The following AUTS2 variants were observed in gnomAD, a reference collection of about 807,000 sequenced individuals.
The protein encoded by AUTS2 is autism susceptibility gene 2 protein.
Under a neutral mutation model 112.4 loss-of-function variants are expected in AUTS2, and 17 were observed. That is an observed-to-expected ratio of 0.15 (90% CI 0.10 to 0.23). The LOEUF (loss-of-function observed/expected upper bound fraction) is 0.23. Ranked by LOEUF, AUTS2 falls within the 10% of genes least tolerant of loss-of-function variation. AUTS2 has a pLI of 1.00. For synonymous variants in AUTS2, 751 were observed against 702.7 expected, an observed-to-expected ratio of 1.07 and a Z score of -1.09; for missense variants, 1,510 against 1,701.6, an observed-to-expected ratio of 0.89 and a Z score of 1.98.
At chr7:70,543,418 A>G (rs1348972031) in intron 5 of AUTS2, among the ~76,000 whole-genome samples, 1 of 151,346 alleles carries the variant, frequency 6.6e-6, no homozygotes, top group African/African-American at 2.4e-5. Flanking sequence ...AATCCCAGCT[A>G]CTCGGGAGGC....
intron 5 of AUTS2, among the ~76,000 whole-genome samples, chr7:70,497,105 C>G (rs554857407): frequency 1.4e-5 from 2 of 147,930 alleles, no homozygotes; most frequent in Non-Finnish European, 1.5e-5. Context: ...CAGACACACA[C>G]ACACACCCCA....
chr7:70,754,834 GAGCT>G lies in AUTS2; in HGVS notation c.743-8033_743-8030del, dbSNP rs142662278. 2.4e-3 allele frequency among the ~76,000 whole-genome samples: 372 copies of G among 152,276 alleles called. 5 individuals carry two copies. The highest frequency in any genetic ancestry group is 7.4e-3 in the African/African-American group (306 of 41,554). Reference sequence around the variant, plus strand: ...ATGCATGGATGGATGGATGTTCTAGGAGCTAGTGCCCCCCACATAGTTTTCTTGA... The same window carrying G: ...ATGCATGGATGGATGGATGTTCTAGGAGTGCCCCCCACATAGTTTTCTTGA... On this transcript the variant is annotated intron_variant, in intron 6 of 18. Transcript: ENST00000342771.
intron 4 of AUTS2, among the ~76,000 whole-genome samples, chr7:70,221,302 T>G (rs1811472806): frequency 6.6e-6 from 1 of 152,246 alleles, no homozygotes; most frequent in African/African-American, 2.4e-5. Context: ...TACATTTTCA[T>G]AAATATTTAA....
At chr7:69,971,940 T>C (rs1797865809) in intron 2 of AUTS2, among the ~76,000 whole-genome samples, 1 of 152,212 alleles carries the variant, frequency 6.6e-6, no homozygotes, top group Non-Finnish European at 1.5e-5. Flanking sequence ...AGGATAATTG[T>C]CCAAGAGTGC....
At chr7:70,572,164 C>T (rs940681262) in intron 5 of AUTS2, among the ~76,000 whole-genome samples, 10 of 152,074 alleles carry the variant, frequency 6.6e-5, no homozygotes, top group Admixed American at 6.5e-5. Flanking sequence ...AGAACAGAGG[C>T]GGTGCTAGCA....
chr7:69,736,203 A>G (rs1277979773), intron 1 of AUTS2, among the ~76,000 whole-genome samples: 4 of 152,248 alleles, frequency 2.6e-5, no homozygotes, highest in East Asian at 1.9e-4. Context: ...CTCGTGATCC[A>G]TGCCCCATCC....
At chr7:70,521,122 A>G (rs1461071434) in intron 5 of AUTS2, among the ~76,000 whole-genome samples, 1 of 152,182 alleles carries the variant, frequency 6.6e-6, no homozygotes, top group Non-Finnish European at 1.5e-5. Context: ...AGATGAATGA[A>G]TGTACATCCC....
intron 1 of AUTS2, among the ~76,000 whole-genome samples, chr7:69,827,251 C>T (rs1357286813): frequency 2.0e-5 from 3 of 152,094 alleles, no homozygotes; most frequent in Non-Finnish European, 2.9e-5. Flanking sequence ...TGCTTCCTTG[C>T]CCCCAATCCC....
chr7:70,367,472 C>T (rs1219967790), intron 4 of AUTS2, among the ~76,000 whole-genome samples: 5 of 150,148 alleles, frequency 3.3e-5, no homozygotes, highest in African/African-American at 9.8e-5. Context: ...AGGAGAATGG[C>T]GTGAACCCAT....
At chr7:70,742,214 G>A (rs1253003080) in intron 6 of AUTS2, among the ~76,000 whole-genome samples, 4 of 152,046 alleles carry the variant, frequency 2.6e-5, no homozygotes, top group African/African-American at 9.7e-5. Flanking sequence ...TTAAAGATTG[G>A]CTTATTTTTG....
In AUTS2 at chr7:70,084,918, G is replaced by A. The variant is rs144770774; in HGVS notation, c.523-33214G>A. ...GATAGGATCTTGCTCTGTCACCCAG[G>A]CTGGAGTGCAGTGGCATGGTTATAG... On this transcript the variant is annotated intron_variant, in intron 2 of 18. Transcript: ENST00000342771. Among the ~76,000 whole-genome samples, 332 of 152,098 alleles carry A rather than the reference G, an allele frequency of 2.2e-3. 2 individuals carry two copies. Among genetic ancestry groups the A allele is most frequent in the Non-Finnish European group, 4.2e-3 (288 of 68,006 alleles).
At chr7:70,470,740 G>A (rs1187338748) in intron 5 of AUTS2, among the ~76,000 whole-genome samples, 1 of 152,160 alleles carries the variant, frequency 6.6e-6, no homozygotes, top group African/African-American at 2.4e-5. Flanking sequence ...GAAGCCTGTG[G>A]TTGTGGAGAT....
At chr7:69,789,940 C>T (rs1285574972) in intron 1 of AUTS2, among the ~76,000 whole-genome samples, 1 of 137,842 alleles carries the variant, frequency 7.3e-6, no homozygotes, top group African/African-American at 2.5e-5. Context: ...AAATAAATAT[C>T]TTTTTTTTCA....
rs1331645992 is a variant in AUTS2, at chr7:70,792,243, A to G, written c.*1247A>G. On this transcript the variant is annotated 3_prime_UTR_variant, in exon 19 of 19. Coordinates refer to ENST00000342771, the MANE Select transcript of AUTS2 (RefSeq NM_015570.4). ...CGCGAGTTAGAGGGTGAAAGATGGC[A>G]GAAAAAAAAGTCTTGTGTGTGAGTG... 1 of 152,518 alleles carries G rather than the reference A, an allele frequency of 6.6e-6. No homozygotes were observed. The highest frequency in any genetic ancestry group is 1.9e-4 in the East Asian group (1 of 5,194). The allele number at this position is 152,518 out of a possible 1,614,324, so 9.4% of individuals were successfully genotyped here. A position where few individuals can be genotyped will look rare whatever the true frequency, so the allele number is the denominator to read the frequency against.
chr7:70,731,420 C>CCTTTT (rs1787379471), intron 6 of AUTS2, among the ~76,000 whole-genome samples: 1 of 69,480 alleles, frequency 1.4e-5, no homozygotes, highest in Non-Finnish European at 2.5e-5. Flanking sequence ...TTACCCAGAT[C>CCTTTT]TTTTTTTTTT....
chr7:69,628,065 T>C (rs2533447), intron 1 of AUTS2, among the ~76,000 whole-genome samples: 113,578 of 152,098 alleles, frequency 0.75, 42,572 homozygotes, highest in African/African-American at 0.82. Context: ...TTATAATGCC[T>C]GCAGTAATGT....
In AUTS2 at chr7:70,763,298, T is replaced by C. The variant is rs1256656969; in HGVS notation, c.1171T>C (p.Leu391=). 3.1e-6 allele frequency: 5 copies of C among 1,602,824 alleles called. No homozygotes were observed. The highest frequency in any genetic ancestry group is 1.7e-4 in the Middle Eastern group (1 of 6,004). Residue 391 remains leucine, a synonymous_variant, in exon 7 of 19, where the codon TTG becomes CTG. Transcript: ENST00000342771. ...CTCTGCTCAGAGCCTCTCCCAGCCA[T>C]TGTCAGCCTACAACAGCAGTAGCTT... ...HPSAQSLSQP[L]SAYNSSSLSL...
chr7:69,599,659 T>C lies in AUTS2; in HGVS notation c.6T>C (p.Asp2=). The change falls in exon 1 of 19, where the codon GAT becomes GAC. Residue 2 remains aspartate, a synonymous_variant. Coordinates refer to ENST00000342771, the MANE Select transcript of AUTS2 (RefSeq NM_015570.4). The surrounding 1 kb of genome is among the most constrained non-coding windows in gnomAD (Gnocchi z 7.0). The part of the protein sequence containing the change: M[D]GPTRGHGLRK... ...GACCCCGGCGCAGCAGAACCATGGA[T>C]GGCCCGACGCGGGGCCATGGACTCC... The C allele has an allele frequency of 7.7e-7, 1 of 1,299,768 alleles. No individual in the cohort carries two copies. The highest frequency in any genetic ancestry group is 3.1e-5 in the East Asian group (1 of 31,858). 80.5% of individuals were successfully genotyped at this position (1,299,768 alleles called of 1,614,324 possible).
chr7:70,517,515 TAC>T (rs1442242432), intron 5 of AUTS2, among the ~76,000 whole-genome samples: 773 of 51,738 alleles, frequency 0.015, 10 homozygotes, highest in African/African-American at 0.054. Flanking sequence ...AAATTGTATA[TAC>T]ACATATATAC....
Sources: allele counts gnomAD v4.1 joint callset (sites outside exome capture counted in the v4.1 genomes callset), GRCh38; gene constraint gnomAD v4.1.1; non-coding constraint Gnocchi (gnomAD v3.1); transcripts MANE v1.5; gene names NCBI Gene and HGNC (gene_info 2026-07-23, HGNC 2026-07-21).